MAP4K5: variants seen among roughly 807,000 people sequenced by gnomAD.
The protein encoded by MAP4K5 is mitogen-activated protein kinase kinase kinase kinase 5.
In MAP4K5, 82 loss-of-function variants were observed where a neutral mutation model predicts 135.6. The observed-to-expected ratio is 0.60, with a 90% CI of 0.51 to 0.73. The LOEUF is 0.73. Among genes scored for constraint, MAP4K5 ranks in the 30% least tolerant of loss-of-function variants. The pLI is 0.00. For synonymous variants in MAP4K5, 347 were observed against 335.0 expected (o/e 1.04, Z -0.39); for missense variants, 907 against 1,010.9 (o/e 0.90, Z 1.39).
Position 50,485,628 on chromosome 14 carries a change from C to CATAGT in MAP4K5, c.267_271dup (p.Trp91TyrfsTer29). On this transcript the variant is annotated frameshift_variant, in exon 5 of 33. Transcript: ENST00000682126. LOFTEE classifies it high-confidence loss of function. Reference sequence around the variant, plus strand: ...GCCACCACAGTATTCCATACAAATCCATAGTTTTTCCCGACTAATACAAAA... The same window carrying CATAGT: ...GCCACCACAGTATTCCATACAAATCCATAGTATAGTTTTTCCCGACTAATACAAAA... 1 of 1,544,566 alleles carries CATAGT rather than the reference C, an allele frequency of 6.5e-7. No individual in the cohort carries two copies. Among genetic ancestry groups the CATAGT allele is most frequent in the Non-Finnish European group, 8.8e-7 (1 of 1,140,638 alleles).
At chr14:50,485,527 C>T (rs371216725) in intron 5 of MAP4K5, 51 bp downstream of exon 5, 1 of 1,171,536 alleles carries the variant, frequency 8.5e-7, no homozygotes, top group East Asian at 2.6e-5. Context: ...TATCGAACAA[C>T]AATCATTAAA....
chr14:50,544,573 G>T (rs1402291539), intron 1 of MAP4K5, among the ~76,000 whole-genome samples: 1 of 152,152 alleles, frequency 6.6e-6, no homozygotes, highest in African/African-American at 2.4e-5. Context: ...TCTAGGCATG[G>T]ATGTCTGCTT....
intron 11 of MAP4K5, among the ~76,000 whole-genome samples, chr14:50,464,779 T>C (rs1179414426): frequency 6.6e-6 from 1 of 152,204 alleles, no homozygotes; most frequent in East Asian, 1.9e-4. Context: ...TTATCAGCAA[T>C]GACAACCACC....
intron 5 of MAP4K5, among the ~76,000 whole-genome samples, chr14:50,483,647 G>T (rs2037300524): frequency 6.8e-6 from 1 of 147,970 alleles, no homozygotes; most frequent in South Asian, 2.2e-4. Flanking sequence ...ACAAATATCA[G>T]GTTTAATAAG....
intron 9 of MAP4K5, among the ~76,000 whole-genome samples, chr14:50,471,293 A>C (rs930963571): frequency 1.3e-5 from 2 of 152,196 alleles, no homozygotes; most frequent in East Asian, 3.8e-4. Flanking sequence ...TTGTTCATCA[A>C]GGGACACATT....
At chr14:50,490,715 T>C (rs1178873779) in intron 3 of MAP4K5, among the ~76,000 whole-genome samples, 2 of 152,186 alleles carry the variant, frequency 1.3e-5, no homozygotes, top group Non-Finnish European at 1.5e-5. Context: ...CCTTAGTATC[T>C]GGGGTCACCT....
Position 50,435,016 on chromosome 14 carries a change from A to T in MAP4K5, c.1932T>A (p.Ser644=). ...CATACCACTGAAGTAAAACAATTCC[A>T]GACTGTAAAGCTCCACAGAGGTATT... ...GHKYLCGALQ[S]GIVLLQWYEP... Residue 644 remains serine, a synonymous_variant, in exon 27 of 33, where the codon TCT becomes TCA. Coordinates refer to ENST00000682126, the MANE Select transcript of MAP4K5 (RefSeq NM_006575.6). 6 of 1,611,772 alleles carry T rather than the reference A, an allele frequency of 3.7e-6. No homozygotes were observed. Among genetic ancestry groups the T allele is most frequent in the Non-Finnish European group, 5.1e-6 (6 of 1,178,548 alleles).
intron 3 of MAP4K5, among the ~76,000 whole-genome samples, chr14:50,491,317 T>C (rs72677899): frequency 3.1e-3 from 464 of 151,794 alleles, no homozygotes; most frequent in Non-Finnish European, 5.6e-3. Context: ...CAAAGTCTAT[T>C]ATCTCTCTTT....
intron 32 of MAP4K5, among the ~76,000 whole-genome samples, chr14:50,421,995 AATT>A (rs921377590): frequency 1.3e-5 from 2 of 151,614 alleles, no homozygotes; most frequent in Non-Finnish European, 2.9e-5. Flanking sequence ...GGGTTCAAGC[AATT>A]CTCCTGCTTC....
At chr14:50,434,606 G>C (rs756017720) in intron 27 of MAP4K5, 35 bp from the exon 28 acceptor site, 12 of 1,541,282 alleles carry the variant, frequency 7.8e-6, no homozygotes, top group Non-Finnish European at 1.1e-5. Flanking sequence ...CCATAATTCA[G>C]AAACAATCTC....
intron 14 of MAP4K5, among the ~76,000 whole-genome samples, chr14:50,453,361 T>C (rs2036533562): frequency 6.6e-6 from 1 of 151,648 alleles, no homozygotes; most frequent in Non-Finnish European, 1.5e-5. Flanking sequence ...TGTCTTGCCA[T>C]TCATAAAGCT....
chr14:50,546,944 C>A (rs1169282337), intron 1 of MAP4K5, among the ~76,000 whole-genome samples: 1 of 152,076 alleles, frequency 6.6e-6, no homozygotes, highest in African/African-American at 2.4e-5. Context: ...CCCATATACC[C>A]GTCATCTACA....
At chr14:50,539,153 A>G (rs923667991) in intron 2 of MAP4K5, among the ~76,000 whole-genome samples, 1 of 152,214 alleles carries the variant, frequency 6.6e-6, no homozygotes, top group Non-Finnish European at 1.5e-5. Context: ...TGTATAAACT[A>G]CTTGCCAAGG....
At chr14:50,475,055 T>TTCAA in intron 9 of MAP4K5, 22 bp downstream of exon 9, 1 of 1,588,454 alleles carries the variant, frequency 6.3e-7, no homozygotes, top group Admixed American at 1.7e-5. Context: ...ATGGATCAAA[T>TTCAA]TCAATCACAG....
chr14:50,535,331 C>T (rs967768936), upstream of MAP4K5, among the ~76,000 whole-genome samples: 1 of 152,090 alleles, frequency 6.6e-6, no homozygotes, highest in Non-Finnish European at 1.5e-5. Flanking sequence ...ATTTATTATC[C>T]AAGACAAAAT....
At chr14:50,542,309 G>A (rs910944841) in intron 2 of MAP4K5, among the ~76,000 whole-genome samples, 1 of 151,558 alleles carries the variant, frequency 6.6e-6, no homozygotes, top group African/African-American at 2.4e-5. Context: ...TGGGGGCAAG[G>A]GGAGAGAGAG....
chr14:50,555,823 A>G (rs1301302352), intron 1 of MAP4K5, among the ~76,000 whole-genome samples: 1 of 152,198 alleles, frequency 6.6e-6, no homozygotes, highest in Non-Finnish European at 1.5e-5. Flanking sequence ...TGGTTAAGCC[A>G]TTTTGTGTTA....
At chr14:50,534,888 C>T (rs190245086), upstream of MAP4K5, among the ~76,000 whole-genome samples, 34 of 152,300 alleles carry the variant, frequency 2.2e-4, no homozygotes, top group African/African-American at 6.5e-4. Flanking sequence ...TAAATGTACA[C>T]TGAGTAAATT....
intron 2 of MAP4K5, among the ~76,000 whole-genome samples, chr14:50,520,916 A>G (rs1266022992): frequency 1.4e-5 from 2 of 144,750 alleles, no homozygotes; most frequent in African/African-American, 5.2e-5. Flanking sequence ...TCCACCTCCC[A>G]GTTCAAGTGA....
Sources: allele counts gnomAD v4.1 joint callset (sites outside exome capture counted in the v4.1 genomes callset), GRCh38; gene constraint gnomAD v4.1.1; transcripts MANE v1.5; gene names NCBI Gene and HGNC (gene_info 2026-07-23, HGNC 2026-07-21).